TBC1D19: variants seen among roughly 807,000 people sequenced by gnomAD.
TBC1D19 encodes the protein TBC1 domain family, member 19.
A neutral mutation model predicts 89.0 loss-of-function variants in TBC1D19; 60 were observed. The ratio of observed to expected loss-of-function variants is 0.67; its 90% CI spans 0.55 to 0.84. The LOEUF (loss-of-function observed/expected upper bound fraction) is 0.84, where lower values mean the gene tolerates loss of function less well. Among genes scored for constraint, TBC1D19 ranks in the 40% least tolerant of loss-of-function variants. The pLI is 0.00. For synonymous variants in TBC1D19, 189 were observed against 199.7 expected, an observed-to-expected ratio of 0.95 and a Z score of 0.45; for missense variants, 500 against 610.8, an observed-to-expected ratio of 0.82 and a Z score of 1.91.
At chr4:26,813,267 AAAAAG>A in the TBC1D19 span, among the ~76,000 whole-genome samples, 10 of 152,172 alleles carry the variant, frequency 6.6e-5, no homozygotes, top group Non-Finnish European at 1.0e-4. Flanking sequence ...ACAAACGAAA[AAAAAG>A]AAAAGAAAAG....
intron 18 of TBC1D19, among the ~76,000 whole-genome samples, chr4:26,743,537 T>C (rs1354530653): frequency 6.6e-6 from 1 of 152,068 alleles, no homozygotes; most frequent in Non-Finnish European, 1.5e-5. Flanking sequence ...GCAGAGTTGT[T>C]TCAAGATTGA....
At chr4:26,831,644 G>A in the TBC1D19 span, among the ~76,000 whole-genome samples, 5 of 144,820 alleles carry the variant, frequency 3.5e-5, no homozygotes, top group South Asian at 2.2e-4. Flanking sequence ...GTGCCATAGC[G>A]TGATTTTGGC....
the TBC1D19 span, among the ~76,000 whole-genome samples, chr4:26,769,448 A>G: frequency 6.6e-6 from 1 of 152,228 alleles, no homozygotes; most frequent in African/African-American, 2.4e-5. Context: ...GTAAAGCAAT[A>G]ATAATAAATC....
intron 1 of TBC1D19, among the ~76,000 whole-genome samples, chr4:26,610,569 C>A (rs1485515111): frequency 6.6e-6 from 1 of 151,882 alleles, no homozygotes; most frequent in Non-Finnish European, 1.5e-5. Context: ...GTGCATAATA[C>A]CCAATAGGTA....
intron 8 of TBC1D19, among the ~76,000 whole-genome samples, chr4:26,661,586 G>A (rs1745224526): frequency 1.3e-5 from 2 of 152,006 alleles, no homozygotes; most frequent in Admixed American, 1.3e-4. Flanking sequence ...CCAAACTAAA[G>A]CAAAACCAAA....
the TBC1D19 span, among the ~76,000 whole-genome samples, chr4:26,814,110 T>G: frequency 6.6e-6 from 1 of 152,062 alleles, no homozygotes; most frequent in African/African-American, 2.4e-5. Flanking sequence ...AGCCCCTCCA[T>G]TTGAGCCTCT....
chr4:26,577,792 G>A (rs745459355), intron 1 of TBC1D19, among the ~76,000 whole-genome samples: 5 of 152,140 alleles, frequency 3.3e-5, no homozygotes, highest in South Asian at 2.1e-4. Context: ...CTGTATGCCC[G>A]GAGTGTACTG....
intron 13 of TBC1D19, among the ~76,000 whole-genome samples, chr4:26,693,854 A>G (rs2109178500): frequency 6.6e-6 from 1 of 152,372 alleles, no homozygotes; most frequent in South Asian, 2.1e-4. Context: ...ACTCAAAAGT[A>G]TATTTGAAAA....
At chr4:26,780,175 T>G in the TBC1D19 span, among the ~76,000 whole-genome samples, 3 of 152,214 alleles carry the variant, frequency 2.0e-5, no homozygotes, top group Non-Finnish European at 4.4e-5. Flanking sequence ...AACTGAGACC[T>G]TAGGATATTC....
intron 1 of TBC1D19, among the ~76,000 whole-genome samples, chr4:26,604,796 G>A (rs568671221): frequency 5.3e-4 from 81 of 152,024 alleles, no homozygotes; most frequent in African/African-American, 1.9e-3. Context: ...CAGGAGAATG[G>A]CGTGAACCCG....
intron 7 of TBC1D19, among the ~76,000 whole-genome samples, chr4:26,651,922 A>C (rs1744418497): frequency 6.6e-6 from 1 of 152,100 alleles, no homozygotes; most frequent in African/African-American, 2.4e-5. Context: ...TTTAGCATGA[A>C]GTGTTGTTGA....
intron 4 of TBC1D19, among the ~76,000 whole-genome samples, chr4:26,633,729 A>G (rs1485911429): frequency 2.0e-5 from 3 of 152,114 alleles, no homozygotes; most frequent in Non-Finnish European, 2.9e-5. Context: ...CCCCCTTAGA[A>G]TAAGGCACTC....
intron 7 of TBC1D19, among the ~76,000 whole-genome samples, chr4:26,657,611 T>G (rs1439772213): frequency 2.0e-5 from 3 of 152,236 alleles, no homozygotes; most frequent in Non-Finnish European, 4.4e-5. Context: ...AGTAATGGGA[T>G]GGCTGGGTCA....
the TBC1D19 span, among the ~76,000 whole-genome samples, chr4:26,783,736 G>A: frequency 6.6e-6 from 1 of 152,128 alleles, no homozygotes; most frequent in African/African-American, 2.4e-5. Flanking sequence ...AAGACAGGAG[G>A]ATGCGGGTGG....
At chr4:26,684,686 G>A (rs549151651) in intron 12 of TBC1D19, among the ~76,000 whole-genome samples, 4 of 152,100 alleles carry the variant, frequency 2.6e-5, no homozygotes, top group Non-Finnish European at 4.4e-5. Context: ...TTAAAATTTA[G>A]ATTTGAAATA....
chr4:26,594,313 G>C (rs550344941), intron 1 of TBC1D19, among the ~76,000 whole-genome samples: 1 of 152,244 alleles, frequency 6.6e-6, no homozygotes, highest in South Asian at 2.1e-4. Context: ...ACACAGGAAG[G>C]GGAACATCAC....
chr4:26,807,747 G>C, the TBC1D19 span, among the ~76,000 whole-genome samples: 6 of 152,126 alleles, frequency 3.9e-5, no homozygotes, highest in Admixed American at 3.9e-4. Flanking sequence ...CATTCTCTAG[G>C]CCAGGCCATG....
intron 7 of TBC1D19, among the ~76,000 whole-genome samples, chr4:26,650,901 A>G (rs955446882): frequency 6.5e-4 from 99 of 152,320 alleles, no homozygotes; most frequent in African/African-American, 2.3e-3. Context: ...TATAAGGTGT[A>G]AGGAAGGGAT....
chr4:26,605,503 G>A (rs1361894787), intron 1 of TBC1D19, among the ~76,000 whole-genome samples: 2 of 151,896 alleles, frequency 1.3e-5, no homozygotes, highest in African/African-American at 2.4e-5. Context: ...GAATAGTGCC[G>A]CAGAAAACAT....
Sources: gnomAD v4.1 joint callset for allele counts (sites outside exome capture counted in the v4.1 genomes callset) on GRCh38, gnomAD v4.1.1 for gene constraint, MANE v1.5 for transcripts, NCBI Gene and HGNC (gene_info 2026-07-23, HGNC 2026-07-21) for gene names.